Variants in SDK1 observed in about 807,000 individuals in gnomAD.
The protein encoded by SDK1 is protein sidekick-1.
A neutral mutation model predicts 245.5 loss-of-function variants in SDK1; 157 were observed. The ratio of observed to expected loss-of-function variants is 0.64; its 90% CI spans 0.56 to 0.73. SDK1 has a LOEUF of 0.73. SDK1 is among the 30% of genes least tolerant of loss of function. The pLI is 0.00. For synonymous variants in SDK1, 1,647 were observed against 1,278.5 expected, an observed-to-expected ratio of 1.29 and a Z score of -6.15; for missense variants, 3,583 against 3,002.3, an observed-to-expected ratio of 1.19 and a Z score of -4.52.
chr7:4,205,792 T>G (rs1447202863), intron 35 of SDK1, 87 bp from the exon 36 acceptor site: 5 of 1,085,544 alleles, frequency 4.6e-6, no homozygotes, highest in South Asian at 1.4e-5. Context: ...AATTAGGGCA[T>G]GCTCGAGCCC....
chr7:3,516,488 T>C (rs958342487), intron 1 of SDK1, among the ~76,000 whole-genome samples: 3 of 152,132 alleles, frequency 2.0e-5, no homozygotes, highest in Non-Finnish European at 2.9e-5. Context: ...AAAGAGCTAT[T>C]TTTTACTGAG....
intron 38 of SDK1, among the ~76,000 whole-genome samples, chr7:4,215,485 A>G (rs1017790300): frequency 2.4e-4 from 36 of 152,188 alleles, no homozygotes; most frequent in African/African-American, 6.8e-4. Flanking sequence ...TTGGAACCCA[A>G]CCACCATGTG....
chr7:3,563,733 C>T (rs568549351), intron 1 of SDK1, among the ~76,000 whole-genome samples: 16 of 152,096 alleles, frequency 1.1e-4, no homozygotes, highest in Admixed American at 5.2e-4. Flanking sequence ...AAACTGCATA[C>T]TTGAGACAAT....
At position 3,602,733 on chromosome 7, in the gene SDK1, A is replaced by G. The variant is rs180848871; in HGVS notation, c.299-16347A>G. Among the ~76,000 whole-genome samples the G allele has an allele frequency of 7.4e-3, 1,127 of 152,172 alleles. 17 individuals are homozygous for G. Among genetic ancestry groups the G allele is most frequent in the African/African-American group, 0.025 (1,056 of 41,496 alleles). ...TTGTTGCCATTGCTTTTGGTGTTTT[A>G]GACATGAAGTCCTTGCCTGTGCCTA... On this transcript the variant is annotated intron_variant, in intron 1 of 44. Coordinates refer to ENST00000404826, the MANE Select transcript of SDK1 (RefSeq NM_152744.4).
At chr7:3,402,602 G>A (rs577218353) in intron 1 of SDK1, among the ~76,000 whole-genome samples, 2 of 152,220 alleles carry the variant, frequency 1.3e-5, no homozygotes, top group East Asian at 1.9e-4. Flanking sequence ...ATTGTGAAAG[G>A]CAGAGAATTT....
At chr7:3,561,155 G>C (rs1779739041) in intron 1 of SDK1, among the ~76,000 whole-genome samples, 1 of 152,112 alleles carries the variant, frequency 6.6e-6, no homozygotes, top group Non-Finnish European at 1.5e-5. Flanking sequence ...TTACCTAAGA[G>C]ACCTGCCAGG....
chr7:4,143,359 C>G (rs547200317), intron 28 of SDK1, among the ~76,000 whole-genome samples: 1 of 152,100 alleles, frequency 6.6e-6, no homozygotes, highest in Admixed American at 6.6e-5. Context: ...GAGGAGAAGT[C>G]GTGACTGCAA....
chr7:3,695,927 T>TC (rs920780928), intron 4 of SDK1, among the ~76,000 whole-genome samples: 4 of 152,166 alleles, frequency 2.6e-5, no homozygotes, highest in African/African-American at 9.7e-5. Flanking sequence ...TTCACTTATT[T>TC]CGGGTTTTGC....
At chr7:4,170,386 G>C (rs1250491955) in intron 32 of SDK1, among the ~76,000 whole-genome samples, 1 of 152,148 alleles carries the variant, frequency 6.6e-6, no homozygotes, top group African/African-American at 2.4e-5. Flanking sequence ...GGTCGAGGCT[G>C]CAGTGAGCTC....
intron 1 of SDK1, among the ~76,000 whole-genome samples, chr7:3,604,350 C>G (rs1781349014): frequency 6.6e-6 from 1 of 152,076 alleles, no homozygotes; most frequent in Non-Finnish European, 1.5e-5. Context: ...ACTGATTCTG[C>G]TCTTACCTTT....
intron 5 of SDK1, among the ~76,000 whole-genome samples, chr7:3,852,750 C>CAAAAA (rs35116493): frequency 3.6e-5 from 1 of 28,148 alleles, no homozygotes; most frequent in African/African-American, 1.3e-4. Context: ...GACTCCGTCT[C>CAAAAA]AAAAAAAAAA....
chr7:3,867,737 T>G (rs1188427148), intron 5 of SDK1, among the ~76,000 whole-genome samples: 2 of 152,204 alleles, frequency 1.3e-5, no homozygotes, highest in East Asian at 3.8e-4. Flanking sequence ...CCAAAGCACA[T>G]CACTTAAAAT....
At chr7:3,490,913 C>G (rs73038581) in intron 1 of SDK1, among the ~76,000 whole-genome samples, 13,274 of 152,242 alleles carry the variant, frequency 0.087, 758 homozygotes, top group African/African-American at 0.15. Flanking sequence ...TCCACAGACA[C>G]AGGCAAACTA....
At chr7:3,632,548 T>G (rs1212517765) in intron 2 of SDK1, among the ~76,000 whole-genome samples, 1 of 141,154 alleles carries the variant, frequency 7.1e-6, no homozygotes, top group African/African-American at 2.4e-5. Flanking sequence ...TGCTACAGAT[T>G]CCATAGACCC....
chr7:3,775,714 C>G (rs960825459), intron 4 of SDK1, among the ~76,000 whole-genome samples: 4 of 151,756 alleles, frequency 2.6e-5, no homozygotes, highest in Admixed American at 6.6e-5. Context: ...GTAGCTGGGA[C>G]TACAGGCGCC....
At chr7:3,703,713 CTA>C (rs1334618540) in intron 4 of SDK1, among the ~76,000 whole-genome samples, 1 of 152,262 alleles carries the variant, frequency 6.6e-6, no homozygotes, top group East Asian at 1.9e-4. Flanking sequence ...TCCTATGAAT[CTA>C]TAATTATTTC....
chr7:3,304,579 T>G (rs918337584), intron 1 of SDK1, among the ~76,000 whole-genome samples: 2 of 152,196 alleles, frequency 1.3e-5, no homozygotes, highest in Admixed American at 1.3e-4. Flanking sequence ...CATTTGAAAT[T>G]GTCTCCACTT....
chr7:3,893,428 G>C (rs764072728), intron 5 of SDK1, among the ~76,000 whole-genome samples: 2 of 151,918 alleles, frequency 1.3e-5, no homozygotes, highest in Non-Finnish European at 2.9e-5. Flanking sequence ...TTTTGTTGTG[G>C]GGATAAATGA....
At chr7:3,410,340 CACCTTAT>C (rs1779166286) in intron 1 of SDK1, among the ~76,000 whole-genome samples, 1 of 152,022 alleles carries the variant, frequency 6.6e-6, no homozygotes, top group Non-Finnish European at 1.5e-5. Context: ...GTTTATGAAA[CACCTTAT>C]GAATTGAATT....
Sources: gnomAD v4.1 joint callset for allele counts (sites outside exome capture counted in the v4.1 genomes callset) on GRCh38, gnomAD v4.1.1 for gene constraint, MANE v1.5 for transcripts, NCBI Gene and HGNC (gene_info 2026-07-23, HGNC 2026-07-21) for gene names.